The following STARD13 variants were observed in gnomAD, a reference collection of about 807,000 sequenced individuals.
The protein encoded by STARD13 is stAR-related lipid transfer protein 13.
STARD13 carries 62 observed loss-of-function variants against 106.4 expected under a neutral mutation model. That is an observed-to-expected ratio of 0.58 (90% CI 0.48 to 0.72). The LOEUF is 0.72. Ranked by LOEUF, STARD13 falls within the 30% of genes least tolerant of loss-of-function variation. The probability of loss-of-function intolerance (pLI) is 0.00; values close to 1 mark genes in which losing one functional copy is unlikely to be tolerated. For missense variants in STARD13, 1,387 were observed against 1,424.0 expected, an observed-to-expected ratio of 0.97 and a Z score of 0.42; for synonymous variants, 565 against 553.0, an observed-to-expected ratio of 1.02 and a Z score of -0.31.
intron 4 of STARD13, among the ~76,000 whole-genome samples, chr13:33,134,018 C>T (rs918536519): frequency 6.6e-6 from 1 of 152,188 alleles, no homozygotes; most frequent in African/African-American, 2.4e-5. Flanking sequence ...CTCTAGGAGT[C>T]AGATGTGTTT....
chr13:33,479,839 C>T, the STARD13 span, among the ~76,000 whole-genome samples: 12 of 152,212 alleles, frequency 7.9e-5, no homozygotes, highest in South Asian at 8.3e-4. Flanking sequence ...TTCCTGCACT[C>T]GCTATGTGAG....
chr13:33,642,995 A>C, the STARD13 span, among the ~76,000 whole-genome samples: 2 of 152,152 alleles, frequency 1.3e-5, no homozygotes, highest in African/African-American at 4.8e-5. Context: ...TCGCCCTGCA[A>C]TGAAGGCCTG....
intron 1 of STARD13, among the ~76,000 whole-genome samples, chr13:33,325,422 A>C (rs2077762787): frequency 6.6e-6 from 1 of 152,190 alleles, no homozygotes; most frequent in Non-Finnish European, 1.5e-5. Context: ...AAAATGAATA[A>C]AGAAAATTCA....
At chr13:33,350,979 C>T (rs139125195), upstream of STARD13, among the ~76,000 whole-genome samples, 45 of 152,246 alleles carry the variant, frequency 3.0e-4, no homozygotes, top group African/African-American at 1.1e-3. Flanking sequence ...ATATATGCCA[C>T]AGTGAGAGCA....
the STARD13 span, among the ~76,000 whole-genome samples, chr13:33,635,785 C>A: frequency 1.3e-5 from 2 of 151,454 alleles, no homozygotes; most frequent in South Asian, 2.1e-4. Flanking sequence ...GAGTTCAAGA[C>A]CAGCCTGGCC....
Position 33,111,837 on chromosome 13 carries a change from T to C in STARD13, c.2548A>G (p.Asn850Asp). The change falls in exon 10 of 14, where the codon AAT (asparagine) becomes GAT (aspartate). Residue 850 changes from asparagine (N) to aspartate (D), a missense_variant. Transcript: ENST00000336934. The stretch of plus-strand genomic sequence containing the variant: ...GCTAGCCCCTGAGCTGCTGCCAGAT[T>C]CTCGTTGAGGTCCTTTTGATCTGGC... ...GKPDQKDLNE[N>D]LAAAQGLAHM... is the part of the protein sequence containing the mutation. 2 of 1,614,188 alleles carry C rather than the reference T, an allele frequency of 1.2e-6. No homozygotes were observed. Among genetic ancestry groups the C allele is most frequent in the Non-Finnish European group, 1.7e-6 (2 of 1,180,020 alleles).
chr13:33,104,681 C>G lies in STARD13; in HGVS notation c.*912G>C, dbSNP rs776277952. 6.5e-6 allele frequency: 1 copy of G among 153,306 alleles called. No individual in the cohort carries two copies. The highest frequency in any genetic ancestry group is 1.5e-5 in the Non-Finnish European group (1 of 68,032). 9.5% of individuals were successfully genotyped at this position (153,306 alleles called of 1,614,324 possible). On this transcript the variant is annotated 3_prime_UTR_variant, in exon 14 of 14. Coordinates refer to ENST00000336934, the MANE Select transcript of STARD13 (RefSeq NM_178006.4). ...ATGTATTTATAAAAACTTGAGACAA[C>G]ACAGGGGCTCCCTTTGGCTGTGAAG...
chr13:33,305,240 A>G (rs1212333114), intron 1 of STARD13, among the ~76,000 whole-genome samples: 1 of 152,158 alleles, frequency 6.6e-6, no homozygotes, highest in Non-Finnish European at 1.5e-5. Context: ...ACATTTCTTC[A>G]TTCCTTCACC....
the STARD13 span, among the ~76,000 whole-genome samples, chr13:33,461,168 GT>G: frequency 6.6e-6 from 1 of 152,174 alleles, no homozygotes; most frequent in African/African-American, 2.4e-5. Context: ...CTATGTGATG[GT>G]GTCCTGGGTG....
At chr13:33,637,663 T>G in the STARD13 span, among the ~76,000 whole-genome samples, 1 of 152,228 alleles carries the variant, frequency 6.6e-6, no homozygotes, top group Non-Finnish European at 1.5e-5. Flanking sequence ...TCAGGCTTCT[T>G]AGCAGTTCAC....
the STARD13 span, among the ~76,000 whole-genome samples, chr13:33,374,533 A>G: frequency 6.6e-6 from 1 of 152,354 alleles, no homozygotes; most frequent in African/African-American, 2.4e-5. Context: ...GTACTAGAAT[A>G]TCTGTAATTC....
the STARD13 span, among the ~76,000 whole-genome samples, chr13:33,495,822 T>C: frequency 6.9e-6 from 1 of 145,906 alleles, no homozygotes; most frequent in Admixed American, 6.9e-5. Context: ...TATTACATAA[T>C]TAATATTATA....
chr13:33,472,109 A>T, the STARD13 span, among the ~76,000 whole-genome samples: 12 of 152,070 alleles, frequency 7.9e-5, no homozygotes, highest in Admixed American at 5.2e-4. Flanking sequence ...CATTTAAAAA[A>T]TTTGCTTTTC....
At chr13:33,490,495 A>G in the STARD13 span, among the ~76,000 whole-genome samples, 1 of 152,142 alleles carries the variant, frequency 6.6e-6, no homozygotes, top group South Asian at 2.1e-4. Flanking sequence ...CGCGGCAGAG[A>G]GAAAGAAGAG....
At chr13:33,658,583 C>A in the STARD13 span, among the ~76,000 whole-genome samples, 3 of 152,200 alleles carry the variant, frequency 2.0e-5, no homozygotes, top group Non-Finnish European at 4.4e-5. Flanking sequence ...TCTCAACATA[C>A]CTTTCACTTT....
intron 1 of STARD13, among the ~76,000 whole-genome samples, chr13:33,193,621 G>T (rs752184809): frequency 1.6e-4 from 25 of 152,272 alleles, no homozygotes; most frequent in Non-Finnish European, 3.2e-4. Context: ...ACAGTGTCAG[G>T]ATTCAAACCC....
At chr13:33,484,365 C>T in the STARD13 span, among the ~76,000 whole-genome samples, 2 of 152,144 alleles carry the variant, frequency 1.3e-5, no homozygotes, top group African/African-American at 4.8e-5. Context: ...GTAACTTCCC[C>T]AATTACTCCT....
the STARD13 span, among the ~76,000 whole-genome samples, chr13:33,409,523 T>A: frequency 6.6e-6 from 1 of 152,240 alleles, no homozygotes; most frequent in Non-Finnish European, 1.5e-5. Flanking sequence ...CTTCTTCTCA[T>A]CATGCATCAT....
intron 1 of STARD13, among the ~76,000 whole-genome samples, chr13:33,291,299 G>A (rs1892282392): frequency 1.3e-5 from 2 of 152,198 alleles, no homozygotes; most frequent in South Asian, 2.1e-4. Context: ...AAAAGCCCTT[G>A]TAAGAATGTT....
Sources: gnomAD v4.1 joint callset for allele counts (sites outside exome capture counted in the v4.1 genomes callset) on GRCh38, gnomAD v4.1.1 for gene constraint, MANE v1.5 for transcripts, NCBI Gene and HGNC (gene_info 2026-07-23, HGNC 2026-07-21) for gene names.